Variants in SDK1 observed in about 807,000 individuals in gnomAD.
SDK1 encodes sidekick cell adhesion molecule 1.
SDK1 carries 157 observed loss-of-function variants against 245.5 expected under a neutral mutation model. The observed-to-expected ratio is 0.64, with a 90% CI of 0.56 to 0.73. SDK1 has a LOEUF of 0.73. Ranked by LOEUF, SDK1 falls within the 30% of genes least tolerant of loss-of-function variation. The pLI is 0.00. For synonymous variants in SDK1, 1,647 were observed against 1,278.5 expected (o/e 1.29, Z -6.15); for missense variants, 3,583 against 3,002.3 (o/e 1.19, Z -4.52).
At chr7:3,654,411 G>A (rs1398104965) in intron 4 of SDK1, among the ~76,000 whole-genome samples, 1 of 152,148 alleles carries the variant, frequency 6.6e-6, no homozygotes, top group Non-Finnish European at 1.5e-5. Flanking sequence ...GAGCCTCACC[G>A]TGCAGAGCGA....
At chr7:3,805,898 C>G (rs1779229422) in intron 4 of SDK1, among the ~76,000 whole-genome samples, 1 of 152,168 alleles carries the variant, frequency 6.6e-6, no homozygotes, top group South Asian at 2.1e-4. Flanking sequence ...TCCAAGTCAC[C>G]TCCTTGTAGC....
chr7:3,560,711 A>G (rs1016414197), intron 1 of SDK1, among the ~76,000 whole-genome samples: 1 of 152,150 alleles, frequency 6.6e-6, no homozygotes, highest in Non-Finnish European at 1.5e-5. Context: ...AACAGAGTTC[A>G]GACCCACGTC....
intron 5 of SDK1, among the ~76,000 whole-genome samples, chr7:3,937,898 C>T (rs985084323): frequency 5.9e-5 from 9 of 152,020 alleles, no homozygotes; most frequent in Non-Finnish European, 1.2e-4. Flanking sequence ...AGTGCAGTGA[C>T]GTAATCTCGG....
rs187547823 is a variant in SDK1 at position 3,545,954 on chromosome 7, C to T, written c.299-73126C>T. 3.7e-4 allele frequency among the ~76,000 whole-genome samples: 56 copies of T among 152,276 alleles called. 1 individual carries two copies. The highest frequency in any genetic ancestry group is 2.4e-3 in the Admixed American group (37 of 15,290). The stretch of plus-strand genomic sequence containing the variant: ...TCAAGAATACCTAAATCAGTATAAC[C>T]TCGTCATTGAAAGAAAGACTTTAGT... On this transcript the variant is annotated intron_variant, in intron 1 of 44. Transcript: ENST00000404826.
At chr7:4,155,255 C>T (rs1388897411) in intron 30 of SDK1, among the ~76,000 whole-genome samples, 1 of 151,790 alleles carries the variant, frequency 6.6e-6, no homozygotes, top group Non-Finnish European at 1.5e-5. Context: ...TTTTGTGTTC[C>T]CTGCAGCTCA....
At chr7:3,440,184 G>C (rs1780154004) in intron 1 of SDK1, among the ~76,000 whole-genome samples, 1 of 152,102 alleles carries the variant, frequency 6.6e-6, no homozygotes, top group Non-Finnish European at 1.5e-5. Flanking sequence ...CATCCCTTGT[G>C]CCCTGTAAAA....
intron 1 of SDK1, among the ~76,000 whole-genome samples, chr7:3,398,781 T>A (rs1778803542): frequency 1.3e-5 from 2 of 151,362 alleles, no homozygotes; most frequent in Admixed American, 6.6e-5. Flanking sequence ...TTTTTTTTTT[T>A]TTTTCCTCAA....
At chr7:3,551,025 G>C (rs1186604425) in intron 1 of SDK1, among the ~76,000 whole-genome samples, 4 of 152,194 alleles carry the variant, frequency 2.6e-5, no homozygotes, top group Non-Finnish European at 5.9e-5. Flanking sequence ...ATATTTTTTA[G>C]AAGGTTAGGA....
chr7:3,378,022 G>A (rs184732576), intron 1 of SDK1, among the ~76,000 whole-genome samples: 6 of 152,150 alleles, frequency 3.9e-5, no homozygotes, highest in South Asian at 2.1e-4. Context: ...CAAGTGATCC[G>A]CCTGCCTCGG....
At chr7:3,347,793 G>C (rs893378804) in intron 1 of SDK1, among the ~76,000 whole-genome samples, 1 of 152,124 alleles carries the variant, frequency 6.6e-6, no homozygotes, top group Non-Finnish European at 1.5e-5. Flanking sequence ...GCCTGAAAGA[G>C]TTAATACAAG....
At chr7:4,235,951 C>G (rs1053256011) in intron 41 of SDK1, among the ~76,000 whole-genome samples, 1 of 152,248 alleles carries the variant, frequency 6.6e-6, no homozygotes, top group African/African-American at 2.4e-5. Flanking sequence ...GCCAGTTGCC[C>G]GGTGGTGTAA....
chr7:3,361,060 T>G (rs1230817139), intron 1 of SDK1, among the ~76,000 whole-genome samples: 1 of 152,182 alleles, frequency 6.6e-6, no homozygotes, highest in Non-Finnish European at 1.5e-5. Context: ...AGTGACAGAC[T>G]GTTGTACTTT....
intron 1 of SDK1, among the ~76,000 whole-genome samples, chr7:3,450,771 G>A (rs1282201695): frequency 1.3e-5 from 2 of 152,138 alleles, no homozygotes; most frequent in South Asian, 2.1e-4. Context: ...TTAGTCATGG[G>A]AGTATATGAA....
chr7:3,489,336 C>G (rs933336417), intron 1 of SDK1, among the ~76,000 whole-genome samples: 3 of 152,144 alleles, frequency 2.0e-5, no homozygotes, highest in South Asian at 2.1e-4. Flanking sequence ...TTTTTTGACT[C>G]TAAACAATTG....
intron 38 of SDK1, among the ~76,000 whole-genome samples, chr7:4,219,891 T>G (rs1397234388): frequency 7.9e-5 from 12 of 151,320 alleles, no homozygotes; most frequent in Non-Finnish European, 1.5e-5. Flanking sequence ...CAGCCTCAGT[T>G]GTTTTCTTTG....
intron 1 of SDK1, among the ~76,000 whole-genome samples, chr7:3,453,967 G>A (rs1323134224): frequency 2.0e-5 from 3 of 152,068 alleles, no homozygotes; most frequent in Admixed American, 6.6e-5. Context: ...ATGTACGACT[G>A]GTTTTGTAGG....
intron 4 of SDK1, among the ~76,000 whole-genome samples, chr7:3,670,219 C>G (rs930924124): frequency 1.3e-5 from 2 of 152,156 alleles, no homozygotes; most frequent in African/African-American, 4.8e-5. Flanking sequence ...TCTGTTCCTT[C>G]AAATCCATTA....
At chr7:3,559,519 G>T (rs554531614) in intron 1 of SDK1, among the ~76,000 whole-genome samples, 1 of 152,046 alleles carries the variant, frequency 6.6e-6, no homozygotes, top group African/African-American at 2.4e-5. Context: ...GCCTGGTTCA[G>T]TGCCAAGATG....
chr7:3,426,043 T>G (rs778301853), intron 1 of SDK1, among the ~76,000 whole-genome samples: 1 of 152,236 alleles, frequency 6.6e-6, no homozygotes, highest in Non-Finnish European at 1.5e-5. Context: ...TTTTTATTTG[T>G]CTTCTCAGAT....
Sources: gnomAD v4.1 joint callset for allele counts (sites outside exome capture counted in the v4.1 genomes callset) on GRCh38, gnomAD v4.1.1 for gene constraint, MANE v1.5 for transcripts, NCBI Gene and HGNC (gene_info 2026-07-23, HGNC 2026-07-21) for gene names.